Variants in SLC27A4 observed in about 807,000 individuals in gnomAD.
SLC27A4 encodes solute carrier family 27 member 4.
In SLC27A4, 33 loss-of-function variants were observed where a neutral mutation model predicts 64.4. The ratio of observed to expected loss-of-function variants is 0.51; its 90% CI spans 0.39 to 0.68. The LOEUF is 0.68. Among genes scored for constraint, SLC27A4 ranks in the 30% least tolerant of loss-of-function variants. SLC27A4 has a pLI of 0.00. For missense variants in SLC27A4, 824 were observed against 883.5 expected, an observed-to-expected ratio of 0.93 and a Z score of 0.85; for synonymous variants, 377 against 370.0, an observed-to-expected ratio of 1.02 and a Z score of -0.22.
At chr9:128,343,320 G>T (rs764248926) in intron 2 of SLC27A4, 27 bp downstream of exon 2, 8 of 1,613,656 alleles carry the variant, frequency 5.0e-6, no homozygotes, top group South Asian at 2.2e-5. Context: ...GCCTTTCCTG[G>T]GGTCTGCCAC....
intron 3 of SLC27A4, among the ~76,000 whole-genome samples, chr9:128,346,819 G>A (rs1832664177): frequency 6.6e-6 from 1 of 151,444 alleles, no homozygotes; most frequent in Non-Finnish European, 1.5e-5. Flanking sequence ...GGCCAACATG[G>A]TGAAACCCCG....
chr9:128,347,879 GAAAA>G (rs112671132), intron 3 of SLC27A4, among the ~76,000 whole-genome samples: 18 of 68,096 alleles, frequency 2.6e-4, no homozygotes, highest in African/African-American at 8.4e-4. Context: ...AAAAGCAAAA[GAAAA>G]AAAAAAAAAA....
intron 12 of SLC27A4, 56 bp from the exon 13 acceptor site, chr9:128,360,278 G>A: frequency 1.9e-6 from 3 of 1,603,714 alleles, no homozygotes; most frequent in African/African-American, 1.3e-5. Flanking sequence ...TGGTGGTTGG[G>A]AAGCTGGGAG....
intron 1 of SLC27A4, chr9:128,342,763 TAAAAAA>T (rs1002823815): frequency 6.5e-6 from 2 of 307,088 alleles, no homozygotes; most frequent in Non-Finnish European, 1.3e-5. Context: ...TTTAAAAACT[TAAAAAA>T]AAAAAGAACA....
chr9:128,356,823 G>A (rs545651864), intron 12 of SLC27A4, among the ~76,000 whole-genome samples: 3 of 148,922 alleles, frequency 2.0e-5, no homozygotes, highest in African/African-American at 7.6e-5. Context: ...TGAGCATGGT[G>A]GCTCACACCT....
Position 128,355,077 on chromosome 9 carries a change from G to C in SLC27A4, c.1349G>C (p.Arg450Pro). ...GGTGAGCCGGGCCAGCTGGTGGGCC[G>C]CATCATCCAGAAAGACCCCCTGCGC... ...QPGEPGQLVG[R>P]IIQKDPLRRF... Residue 450 changes from arginine (R) to proline (P), a missense_variant, in exon 10 of 13, where the codon CGC (arginine) becomes CCC (proline). Transcript: ENST00000300456. The C allele has an allele frequency of 6.2e-7, 1 of 1,609,734 alleles. No homozygotes were observed. The highest frequency in any genetic ancestry group is 8.5e-7 in the Non-Finnish European group (1 of 1,178,164).
chr9:128,360,500 A>G lies in SLC27A4; in HGVS notation c.*9A>G, dbSNP rs763704508. 4 of 1,613,310 alleles carry G rather than the reference A, an allele frequency of 2.5e-6. No individual in the cohort carries two copies. The highest frequency in any genetic ancestry group is 2.2e-5 in the South Asian group (2 of 91,068). On this transcript the variant is annotated 3_prime_UTR_variant, in exon 13 of 13. Coordinates refer to ENST00000300456, the MANE Select transcript of SLC27A4 (RefSeq NM_005094.4). ...GCGAGGAGAAGCTGTGATTCCCCCC[A>G]TCCCTCTGAGGGCCGGCGGATGCTG... is the stretch of plus-strand genomic sequence containing the variant.
At chr9:128,357,261 CAA>C (rs1007585471) in intron 12 of SLC27A4, among the ~76,000 whole-genome samples, 569 of 50,938 alleles carry the variant, frequency 0.011, 3 homozygotes, top group African/African-American at 0.04. Context: ...GACTCTGTCT[CAA>C]AAAAAAAAAA....
chr9:128,350,008 C>T (rs1219056235), intron 4 of SLC27A4, among the ~76,000 whole-genome samples: 1 of 152,228 alleles, frequency 6.6e-6, no homozygotes, highest in African/African-American at 2.4e-5. Flanking sequence ...ATTGGAATTG[C>T]CTGTGTCCTC....
chr9:128,341,329 T>C (rs1040038854), intron 1 of SLC27A4, among the ~76,000 whole-genome samples: 2 of 152,130 alleles, frequency 1.3e-5, no homozygotes, highest in Non-Finnish European at 2.9e-5. Context: ...AGAAAAACAG[T>C]CCCATCAGAT....
In SLC27A4 at chr9:128,345,158, C is replaced by T. The variant is rs762085131; in HGVS notation, c.165C>T (p.Gly55=). The T allele has an allele frequency of 5.0e-5, 80 of 1,613,078 alleles. No individual in the cohort carries two copies. The highest frequency in any genetic ancestry group is 1.6e-4 in the Middle Eastern group (1 of 6,080). Reference sequence around the variant, plus strand: ...GCCCTCTCTTGTTCACACACAGTGGCGGCCTGGTCCTCCTGAAGGTGAAGG... The same window carrying T: ...GCCCTCTCTTGTTCACACACAGTGGTGGCCTGGTCCTCCTGAAGGTGAAGG... ...FIKTIRRDIF[G]GLVLLKVKAK... Residue 55 remains glycine, a synonymous_variant, in exon 3 of 13, where the codon GGC becomes GGT. Coordinates refer to ENST00000300456, the MANE Select transcript of SLC27A4 (RefSeq NM_005094.4). The surrounding 1 kb of genome is among the most constrained non-coding windows in gnomAD (Gnocchi z 4.1).
Position 128,352,739 on chromosome 9 carries a change from A to T in SLC27A4, c.979A>T (p.Asn327Tyr). The change falls in exon 7 of 13, where the codon AAC becomes TAC. Residue 327 changes from asparagine (N) to tyrosine (Y), a missense_variant. Asn to Tyr is a moderately radical substitution (Grantham distance 143). Coordinates refer to ENST00000300456, the MANE Select transcript of SLC27A4 (RefSeq NM_005094.4). ...GTTCTGGGACGATTGTATCAAGTAC[A>T]ACTGCACGGTGAGCGAGAGCGGGAA... ...SRFWDDCIKY[N>Y]CTIVQYIGEL... The T allele has an allele frequency of 6.2e-7, 1 of 1,612,154 alleles. No individual in the cohort carries two copies. The highest frequency in any genetic ancestry group is 1.1e-5 in the South Asian group (1 of 91,042).
chr9:128,360,682 G>A lies in SLC27A4; in HGVS notation c.*191G>A. Reference sequence around the variant, plus strand: ...ACCCTTCCAGAGGCTTTCTGTGAAAGTCTCATGTCCAAGTTCCGTCTTCTG... The same window carrying A: ...ACCCTTCCAGAGGCTTTCTGTGAAAATCTCATGTCCAAGTTCCGTCTTCTG... On this transcript the variant is annotated 3_prime_UTR_variant, in exon 13 of 13. Transcript: ENST00000300456. The A allele has an allele frequency of 1.6e-6, 1 of 618,872 alleles. No homozygotes were observed. 38.3% of individuals were successfully genotyped at this position (618,872 alleles called of 1,614,324 possible).
At chr9:128,341,023 G>A (rs992791075) in intron 1 of SLC27A4, among the ~76,000 whole-genome samples, 185 bp downstream of exon 1, 9 of 152,248 alleles carry the variant, frequency 5.9e-5, no homozygotes, top group African/African-American at 1.9e-4. Flanking sequence ...GGGCCCGAGG[G>A]AACTAGTCAC....
At position 128,352,633 on chromosome 9, in the gene SLC27A4, T is replaced by C. The variant is rs1832753877; in HGVS notation, c.878-5T>C. 1 of 1,612,862 alleles carries C rather than the reference T, an allele frequency of 6.2e-7. No individual in the cohort carries two copies. Among genetic ancestry groups the C allele is most frequent in the Non-Finnish European group, 8.5e-7 (1 of 1,178,846 alleles). Reference sequence around the variant, plus strand: ...GACCCTCAGGGGCCATCCCTCTGCCTCCAGGAAACATCGTGGGAATCGGCC... The same window carrying C: ...GACCCTCAGGGGCCATCCCTCTGCCCCCAGGAAACATCGTGGGAATCGGCC... On this transcript the variant is annotated splice_region_variant and splice_polypyrimidine_tract_variant and intron_variant, in intron 6 of 12. Transcript: ENST00000300456.
At chr9:128,355,832 G>C in intron 12 of SLC27A4, 36 bp downstream of exon 12, 2 of 1,610,328 alleles carry the variant, frequency 1.2e-6, no homozygotes, top group Non-Finnish European at 8.5e-7. Flanking sequence ...TCGGATCCCA[G>C]GTCCCTTCCC....
In SLC27A4 at chr9:128,360,838, C is replaced by A; in HGVS notation, c.*347C>A. The A allele has an allele frequency of 5.8e-6, 2 of 342,754 alleles. No homozygotes were observed. Among genetic ancestry groups the A allele is most frequent in the Admixed American group, 4.2e-5 (1 of 23,604 alleles). The allele number at this position is 342,754 out of a possible 1,614,324, so 21.2% of individuals were successfully genotyped here. On this transcript the variant is annotated 3_prime_UTR_variant, in exon 13 of 13. Coordinates refer to ENST00000300456, the MANE Select transcript of SLC27A4 (RefSeq NM_005094.4). ...GAGAGCAGGGAGCTTATAAATGGAACCAGAGCAGAAGTCCCCAGACTCAGG... is the reference window on the plus strand; with the variant it reads ...GAGAGCAGGGAGCTTATAAATGGAAACAGAGCAGAAGTCCCCAGACTCAGG...
At chr9:128,340,979 T>C (rs1832561898) in intron 1 of SLC27A4, 141 bp downstream of exon 1, 1 of 475,402 alleles carries the variant, frequency 2.1e-6, no homozygotes, top group South Asian at 2.9e-5. Flanking sequence ...CCTTGCTGTC[T>C]AGGGGCGAGG....
At chr9:128,356,575 G>A (rs570302309) in intron 12 of SLC27A4, among the ~76,000 whole-genome samples, 4 of 152,252 alleles carry the variant, frequency 2.6e-5, no homozygotes, top group Admixed American at 6.5e-5. Context: ...AGGCCAAGGC[G>A]GGCAGATCAC....
Sources: gnomAD v4.1 joint callset for allele counts (sites outside exome capture counted in the v4.1 genomes callset) on GRCh38, gnomAD v4.1.1 for gene constraint, Gnocchi (gnomAD v3.1) non-coding constraint, MANE v1.5 for transcripts, NCBI Gene and HGNC (gene_info 2026-07-23, HGNC 2026-07-21) for gene names.